The following THTPA variants were observed in gnomAD, a reference collection of about 807,000 sequenced individuals.
THTPA encodes thiamine triphosphatase, also known as thiamine-triphosphatase.
Under a neutral mutation model 16.5 loss-of-function variants are expected in THTPA, and 16 were observed. That is an observed-to-expected ratio of 0.97 (90% CI 0.66 to 1.47). The LOEUF (loss-of-function observed/expected upper bound fraction) is 1.47, where lower values mean the gene tolerates loss of function less well. THTPA is among the 40% of genes most tolerant of loss of function. THTPA has a pLI of 0.00. For missense variants in THTPA, 281 were observed against 280.9 expected (o/e 1.00, Z 0.00); for synonymous variants, 110 against 115.5 (o/e 0.95, Z 0.30).
At chr14:23,531,714 A>G in the THTPA span, 1 of 1,356,670 alleles carries the variant, frequency 7.4e-7, no homozygotes, top group Non-Finnish European at 9.5e-7. Flanking sequence ...CTCCATGTCC[A>G]GCAGAAACTA....
the THTPA span, chr14:23,522,744 G>A: frequency 6.5e-6 from 10 of 1,536,506 alleles, no homozygotes; most frequent in South Asian, 7.1e-5. Flanking sequence ...ACTGGCTTTC[G>A]CTCACTGGAG....
upstream of THTPA, among the ~76,000 whole-genome samples, chr14:23,554,964 G>A (rs574579946): frequency 2.0e-5 from 3 of 152,224 alleles, no homozygotes; most frequent in South Asian, 6.2e-4. Context: ...AGCATTCAAA[G>A]GGCCAACCCC....
the THTPA span, chr14:23,530,176 G>T: frequency 7.8e-6 from 12 of 1,535,844 alleles, no homozygotes; most frequent in Admixed American, 3.9e-5. Context: ...CTCAGCTAAG[G>T]GGGTGACAGG....
chr14:23,544,449 G>T, the THTPA span, among the ~76,000 whole-genome samples: 31 of 152,144 alleles, frequency 2.0e-4, no homozygotes, highest in African/African-American at 7.5e-4. Context: ...TTTTTTGATT[G>T]TATGTGGGGC....
At chr14:23,550,922 T>C in the THTPA span, among the ~76,000 whole-genome samples, 1 of 151,186 alleles carries the variant, frequency 6.6e-6, no homozygotes, top group African/African-American at 2.4e-5. Flanking sequence ...CCCAGGACCC[T>C]CCAGGCTGAC....
the THTPA span, chr14:23,529,391 C>CTTTTGCCTT: frequency 3.0e-6 from 1 of 329,494 alleles, no homozygotes; most frequent in Non-Finnish European, 5.7e-6. Flanking sequence ...TGGTTGTTTG[C>CTTTTGCCTT]TTTTGCCTTT....
upstream of THTPA, among the ~76,000 whole-genome samples, chr14:23,551,092 T>G (rs1881906173): frequency 6.6e-6 from 1 of 150,942 alleles, no homozygotes; most frequent in African/African-American, 2.4e-5. The surrounding 1 kb of genome is among the most constrained non-coding windows in gnomAD (Gnocchi z 5.3). Flanking sequence ...CGCATCTCTC[T>G]TCCCCCATCC....
At chr14:23,515,249 C>T in the THTPA span, among the ~76,000 whole-genome samples, 3 of 152,202 alleles carry the variant, frequency 2.0e-5, no homozygotes, top group Admixed American at 6.5e-5. Context: ...ATGCATATTT[C>T]ATTCTGCCTT....
In THTPA at chr14:23,559,890, GCTT is replaced by G. The variant is rs1264395160; in HGVS notation, c.*1056_*1058del. On this transcript the variant is annotated 3_prime_UTR_variant, in exon 2 of 2. Transcript: ENST00000288014. ...GCAGGGACCAGGGTTAGCACCCACG[GCTT>G]CTTCTATCCCTGGGTCTTGTCTTGG... 3.7e-6 allele frequency: 6 copies of G among 1,611,724 alleles called. No homozygotes were observed. The highest frequency in any genetic ancestry group is 2.2e-5 in the South Asian group (2 of 90,922).
At chr14:23,544,689 CCTAATGAGTGTGATCTCGTTACACT>C in the THTPA span, among the ~76,000 whole-genome samples, 1 of 152,170 alleles carries the variant, frequency 6.6e-6, no homozygotes. Context: ...ATGGCCCAGC[CCTAATGAGTGTGATCTCGTTACACT>C]CTCGCTGCCT....
chr14:23,526,593 C>T, the THTPA span: 1 of 1,535,788 alleles, frequency 6.5e-7, no homozygotes, highest in Non-Finnish European at 8.7e-7. Flanking sequence ...CCAGGGCTTC[C>T]TGAGGGTTTG....
At chr14:23,531,635 G>A in the THTPA span, 2 of 1,520,490 alleles carry the variant, frequency 1.3e-6, no homozygotes, top group Non-Finnish European at 1.8e-6. Context: ...GCACAGCCAA[G>A]CGGGAGGGTG....
At chr14:23,534,338 C>A in the THTPA span, 1 of 1,536,648 alleles carries the variant, frequency 6.5e-7, no homozygotes, top group Non-Finnish European at 8.7e-7. This position sits in a 1 kb window ranked among gnomAD's most constrained non-coding sequence, Gnocchi z 4.5. Context: ...AGGGCCTGGA[C>A]TTCTGCCTCA....
upstream of THTPA, among the ~76,000 whole-genome samples, chr14:23,554,038 CAAAAAAAAAAA>C (rs61363455): frequency 2.8e-4 from 10 of 36,042 alleles, no homozygotes; most frequent in Non-Finnish European, 4.2e-4. Flanking sequence ...GACTCTGTCT[CAAAAAAAAAAA>C]AAAAAAAAAA....
At chr14:23,532,597 T>C in the THTPA span, 36 of 1,447,544 alleles carry the variant, frequency 2.5e-5, no homozygotes, top group Admixed American at 9.0e-4. Context: ...CTTCGTGGGC[T>C]GCACCCCTGG....
At chr14:23,534,326 TA>T in the THTPA span, 1 of 1,536,448 alleles carries the variant, frequency 6.5e-7, no homozygotes. The surrounding 1 kb of genome is among the most constrained non-coding windows in gnomAD (Gnocchi z 4.5). Flanking sequence ...TCCAGGAGGA[TA>T]AGGGCCTGGA....
the THTPA span, chr14:23,534,092 G>C: frequency 2.0e-6 from 3 of 1,500,254 alleles, no homozygotes; most frequent in African/African-American, 2.8e-5. The surrounding 1 kb of genome is among the most constrained non-coding windows in gnomAD (Gnocchi z 4.5). Flanking sequence ...GGGTCACTGG[G>C]GTCTTCGGGG....
the THTPA span, among the ~76,000 whole-genome samples, chr14:23,539,821 G>A: frequency 6.6e-6 from 1 of 152,258 alleles, no homozygotes; most frequent in South Asian, 2.1e-4. Flanking sequence ...CCAAGGAGTT[G>A]GCAGGGCTAA....
the THTPA span, chr14:23,532,487 T>C: frequency 7.2e-7 from 1 of 1,391,210 alleles, no homozygotes; most frequent in African/African-American, 1.4e-5. Context: ...GGTTTTCCTA[T>C]CACTTTCTTA....
Sources: allele counts gnomAD v4.1 joint callset (sites outside exome capture counted in the v4.1 genomes callset), GRCh38; gene constraint gnomAD v4.1.1; non-coding constraint Gnocchi (gnomAD v3.1); transcripts MANE v1.5; gene names NCBI Gene and HGNC (gene_info 2026-07-23, HGNC 2026-07-21).